RBFOX3: variants seen among roughly 807,000 people sequenced by gnomAD.
The protein encoded by RBFOX3 is RNA binding protein fox-1 homolog 3.
In RBFOX3, 17 loss-of-function variants were observed where a neutral mutation model predicts 48.7. The ratio of observed to expected loss-of-function variants is 0.35; its 90% CI spans 0.24 to 0.52. The LOEUF (loss-of-function observed/expected upper bound fraction) is 0.52, where lower values mean the gene tolerates loss of function less well. Among genes scored for constraint, RBFOX3 ranks in the 20% least tolerant of loss-of-function variants. The probability of loss-of-function intolerance (pLI) is 0.94; values close to 1 mark genes in which losing one functional copy is unlikely to be tolerated. For synonymous variants in RBFOX3, 212 were observed against 209.5 expected, an observed-to-expected ratio of 1.01 and a Z score of -0.10; for missense variants, 382 against 497.5, an observed-to-expected ratio of 0.77 and a Z score of 2.21.
intron 2 of RBFOX3, among the ~76,000 whole-genome samples, chr17:79,442,392 AGAGAGAGAGAAAGAGAGAC>A (rs1555735646): frequency 1.3e-4 from 18 of 140,350 alleles, no homozygotes; most frequent in African/African-American, 4.4e-4. Flanking sequence ...AGAGAGAGAG[AGAGAGAGAGAAAGAGAGAC>A]AGAGAGAGAG....
chr17:79,476,268 T>G (rs1366650015), intron 2 of RBFOX3, among the ~76,000 whole-genome samples: 1 of 152,256 alleles, frequency 6.6e-6, no homozygotes, highest in African/African-American at 2.4e-5. Flanking sequence ...AGCGGTGTCC[T>G]GGGGAACTCG....
chr17:79,123,224 T>C (rs2036235417), intron 4 of RBFOX3, among the ~76,000 whole-genome samples: 1 of 152,228 alleles, frequency 6.6e-6, no homozygotes, highest in African/African-American at 2.4e-5. Flanking sequence ...TTGTATTGTG[T>C]GTAACAGAAA....
chr17:79,417,640 C>T (rs906695800), intron 2 of RBFOX3, among the ~76,000 whole-genome samples: 6 of 152,204 alleles, frequency 3.9e-5, no homozygotes, highest in East Asian at 1.9e-4. Flanking sequence ...AAGATGGCGC[C>T]GCTGCTGCGG....
At chr17:79,476,936 G>A (rs992594975) in intron 2 of RBFOX3, among the ~76,000 whole-genome samples, 2 of 151,980 alleles carry the variant, frequency 1.3e-5, no homozygotes, top group African/African-American at 4.8e-5. Context: ...GACGGAAGAG[G>A]AAGAAGAAGA....
At chr17:79,150,617 G>A (rs996225434) in intron 4 of RBFOX3, among the ~76,000 whole-genome samples, 1 of 152,142 alleles carries the variant, frequency 6.6e-6, no homozygotes, top group Non-Finnish European at 1.5e-5. Flanking sequence ...CACTGAAGTA[G>A]GGGATACCTG....
intron 4 of RBFOX3, among the ~76,000 whole-genome samples, chr17:79,151,426 G>A (rs2044407147): frequency 1.7e-5 from 1 of 59,876 alleles, no homozygotes; most frequent in Non-Finnish European, 3.8e-5. Flanking sequence ...GGGACCTGCA[G>A]GGGGAGGAGG....
chr17:79,567,234 AG>A (rs1369626085), intron 1 of RBFOX3, among the ~76,000 whole-genome samples: 1 of 125,154 alleles, frequency 8.0e-6, no homozygotes, highest in Admixed American at 1.1e-4. Context: ...CCCAGGCTGG[AG>A]TGCAGTGGTG....
At chr17:79,398,029 A>G (rs1198648759) in intron 2 of RBFOX3, among the ~76,000 whole-genome samples, 2 of 152,114 alleles carry the variant, frequency 1.3e-5, no homozygotes, top group Admixed American at 6.5e-5. Context: ...ACAGTATCAC[A>G]GGAGTTTAAA....
intron 3 of RBFOX3, among the ~76,000 whole-genome samples, chr17:79,260,241 TG>T (rs1164700065): frequency 4.6e-5 from 7 of 152,028 alleles, no homozygotes; most frequent in Non-Finnish European, 1.0e-4. Flanking sequence ...ACTGGCTAGC[TG>T]TCGGGGACCC....
At chr17:79,437,258 G>T (rs2069700339) in intron 2 of RBFOX3, among the ~76,000 whole-genome samples, 1 of 152,168 alleles carries the variant, frequency 6.6e-6, no homozygotes, top group Non-Finnish European at 1.5e-5. Flanking sequence ...CTCCACTGCT[G>T]CCGGCTGGCC....
chr17:79,512,404 A>G (rs373897841), intron 1 of RBFOX3, among the ~76,000 whole-genome samples: 162 of 62,448 alleles, frequency 2.6e-3, no homozygotes, highest in Middle Eastern at 0.018. Flanking sequence ...ACAGCCCCAT[A>G]GCCAGGGGAC....
intron 3 of RBFOX3, among the ~76,000 whole-genome samples, chr17:79,306,895 G>C (rs1300987486): frequency 1.3e-5 from 2 of 152,246 alleles, no homozygotes; most frequent in Admixed American, 6.5e-5. Flanking sequence ...TGGGGGAAAA[G>C]GGAACCCCTC....
At chr17:79,584,010 C>T (rs1310193605) in intron 1 of RBFOX3, among the ~76,000 whole-genome samples, 2 of 152,066 alleles carry the variant, frequency 1.3e-5, no homozygotes, top group Admixed American at 1.3e-4. Flanking sequence ...GGGAGTGGTG[C>T]TGTCCTCTAA....
Position 79,421,318 on chromosome 17 carries a change from A to G in RBFOX3, c.-175+61136T>C, listed in dbSNP as rs1297162909. ...CCTCTAGCAAACAACCGGGCCTGAG[A>G]GTGGTTCTGGAAGCCTCTACGCTTG... On this transcript the variant is annotated intron_variant, in intron 2 of 14. Coordinates refer to ENST00000693108, the MANE Select transcript of RBFOX3 (RefSeq NM_001350451.2). This position sits in a 1 kb window ranked among gnomAD's most constrained non-coding sequence, Gnocchi z 4.5. Among the ~76,000 whole-genome samples, 1 of 152,086 alleles carries G rather than the reference A, an allele frequency of 6.6e-6. No individual in the cohort carries two copies. Among genetic ancestry groups the G allele is most frequent in the East Asian group, 1.9e-4 (1 of 5,186 alleles).
intron 1 of RBFOX3, among the ~76,000 whole-genome samples, chr17:79,489,088 T>C (rs1265114772): frequency 6.6e-6 from 1 of 152,160 alleles, no homozygotes; most frequent in Non-Finnish European, 1.5e-5. Context: ...TTATTTGGCT[T>C]CCTGGAGGGA....
chr17:79,570,242 A>T lies in RBFOX3; in HGVS notation c.-320+40584T>A, dbSNP rs1035224157. ...TAGATGAATTATAGATGGATGGTATATGAACAGATGAATTACGGACAGATG... is the reference window on the plus strand; with the variant it reads ...TAGATGAATTATAGATGGATGGTATTTGAACAGATGAATTACGGACAGATG... On this transcript the variant is annotated intron_variant, in intron 1 of 14. Transcript: ENST00000693108. Among the ~76,000 whole-genome samples the T allele has an allele frequency of 1.7e-3, 263 of 151,908 alleles. 1 individual carries two copies. The highest frequency in any genetic ancestry group is 3.4e-3 in the Middle Eastern group (1 of 294).
At chr17:79,432,064 G>A (rs945952461) in intron 2 of RBFOX3, among the ~76,000 whole-genome samples, 2 of 152,202 alleles carry the variant, frequency 1.3e-5, no homozygotes, top group Non-Finnish European at 2.9e-5. Flanking sequence ...TTTTAGGTCT[G>A]GCTTCTCTTA....
At chr17:79,330,721 G>C (rs2080149359) in intron 2 of RBFOX3, among the ~76,000 whole-genome samples, 1 of 152,142 alleles carries the variant, frequency 6.6e-6, no homozygotes, top group Admixed American at 6.5e-5. Flanking sequence ...ACGTGGTGGG[G>C]CTGTGCCTGG....
rs187003227 is a variant in RBFOX3 at position 79,121,965 on chromosome 17, T to C, written c.-33-6217A>G. Among the ~76,000 whole-genome samples, 180 of 152,276 alleles carry C rather than the reference T, an allele frequency of 1.2e-3. 1 individual carries two copies. Among genetic ancestry groups the C allele is most frequent in the African/African-American group, 4.1e-3 (171 of 41,552 alleles). On this transcript the variant is annotated intron_variant, in intron 4 of 14. Transcript: ENST00000693108. Reference sequence around the variant, plus strand: ...TGGACATCTGATACACTTTGGGGGTTTGACGTGCCCCCAAAGGGACCTCTG... The same window carrying C: ...TGGACATCTGATACACTTTGGGGGTCTGACGTGCCCCCAAAGGGACCTCTG...
Sources: allele counts gnomAD v4.1 joint callset (sites outside exome capture counted in the v4.1 genomes callset), GRCh38; gene constraint gnomAD v4.1.1; non-coding constraint Gnocchi (gnomAD v3.1); transcripts MANE v1.5; gene names NCBI Gene and HGNC (gene_info 2026-07-23, HGNC 2026-07-21).